CTNND2: variants seen among roughly 807,000 people sequenced by gnomAD.
CTNND2 encodes catenin delta 2, also known as catenin delta-2.
CTNND2 carries 22 observed loss-of-function variants against 144.4 expected under a neutral mutation model. That is an observed-to-expected ratio of 0.15 (90% CI 0.11 to 0.22). The LOEUF (loss-of-function observed/expected upper bound fraction) is 0.22. Among genes scored for constraint, CTNND2 ranks in the 10% least tolerant of loss-of-function variants. CTNND2 has a pLI of 1.00. For missense variants in CTNND2, 1,353 were observed against 1,618.8 expected, an observed-to-expected ratio of 0.84 and a Z score of 2.82; for synonymous variants, 751 against 695.6, an observed-to-expected ratio of 1.08 and a Z score of -1.25.
chr5:11,818,291 C>A lies in CTNND2; in HGVS notation c.37+85526G>T, dbSNP rs148799665. 9.9e-5 allele frequency among the ~76,000 whole-genome samples: 15 copies of A among 152,116 alleles called. No homozygotes were observed. In the East Asian group the frequency reaches 2.7e-3, roughly 27 times the overall value. On this transcript the variant is annotated intron_variant, in intron 1 of 21. Transcript: ENST00000304623. ...TGCATCAACTCATATAGCGGTGATA[C>A]CCGTGTTGCAGCGTTTACATCACAC...
At chr5:11,187,032 A>G (rs1316683559) in intron 11 of CTNND2, among the ~76,000 whole-genome samples, 1 of 152,212 alleles carries the variant, frequency 6.6e-6, no homozygotes, top group African/African-American at 2.4e-5. Flanking sequence ...AAATGCAGAG[A>G]ATACCTGGAT....
At chr5:11,375,054 A>T (rs1412118005) in intron 7 of CTNND2, among the ~76,000 whole-genome samples, 3 of 152,188 alleles carry the variant, frequency 2.0e-5, no homozygotes, top group Non-Finnish European at 4.4e-5. Context: ...TTTGAAAAAC[A>T]TGTAAACGAA....
chr5:11,183,168 C>G (rs912585722), intron 11 of CTNND2, among the ~76,000 whole-genome samples: 1 of 152,196 alleles, frequency 6.6e-6, no homozygotes, highest in Non-Finnish European at 1.5e-5. Context: ...TTATACACTT[C>G]AATAACTAAG....
At position 11,232,320 on chromosome 5, in the gene CTNND2, T is replaced by A. The variant is rs146471970; in HGVS notation, c.1761+4371A>T. ...CCACTGACAGCTTGCACCATGTGCC[T>A]GGAAAAGCTGCAGACACTCAACATC... On this transcript the variant is annotated intron_variant, in intron 10 of 21. Coordinates refer to ENST00000304623, the MANE Select transcript of CTNND2 (RefSeq NM_001332.4). 8.1e-4 allele frequency among the ~76,000 whole-genome samples: 42 copies of A among 52,170 alleles called. No individual in the cohort carries two copies. The East Asian group carries it at 0.037, about 46-fold the overall frequency. The allele number at this position is 52,170 out of a possible 152,430, so 34.2% of individuals were successfully genotyped here.
intron 1 of CTNND2, among the ~76,000 whole-genome samples, chr5:11,901,422 G>C (rs1379070243): frequency 3.9e-5 from 6 of 152,150 alleles, no homozygotes; most frequent in Non-Finnish European, 8.8e-5. Context: ...ACTATAAATT[G>C]CATTTGCAAA....
intron 8 of CTNND2, among the ~76,000 whole-genome samples, chr5:11,350,258 C>T (rs1463863732): frequency 6.6e-6 from 1 of 152,064 alleles, no homozygotes; most frequent in Non-Finnish European, 1.5e-5. Flanking sequence ...GGTATGTTAA[C>T]TAATTTACAC....
intron 18 of CTNND2, among the ~76,000 whole-genome samples, chr5:10,996,951 C>A (rs1446592693): frequency 1.3e-5 from 2 of 152,048 alleles, no homozygotes; most frequent in Non-Finnish European, 2.9e-5. Context: ...GGGAGGTGGA[C>A]AGAAGACAGG....
intron 1 of CTNND2, among the ~76,000 whole-genome samples, chr5:11,790,674 C>A (rs1312982806): frequency 6.6e-6 from 1 of 152,166 alleles, no homozygotes; most frequent in Non-Finnish European, 1.5e-5. Flanking sequence ...ATAGAGTTTA[C>A]ACAGTAAATC....
At chr5:11,797,701 T>C (rs1791472230) in intron 1 of CTNND2, among the ~76,000 whole-genome samples, 1 of 152,192 alleles carries the variant, frequency 6.6e-6, no homozygotes, top group Non-Finnish European at 1.5e-5. Context: ...TCTCAACAAA[T>C]GTTTGCTAGT....
At chr5:11,131,721 G>A (rs10069596) in intron 12 of CTNND2, among the ~76,000 whole-genome samples, 89,586 of 151,858 alleles carry the variant, frequency 0.59, 26,621 homozygotes, top group African/African-American at 0.66. Context: ...CCCGGGAGGC[G>A]GAGCTTGCAG....
chr5:11,836,416 G>A lies in CTNND2; in HGVS notation c.37+67401C>T, dbSNP rs538196986. On this transcript the variant is annotated intron_variant, in intron 1 of 21. Coordinates refer to ENST00000304623, the MANE Select transcript of CTNND2 (RefSeq NM_001332.4). ...AATCAGTAGGCATGGTAGGGAAGAC[G>A]TGAGCACATGATCCTTCTGTAACAC... 4.0e-4 allele frequency among the ~76,000 whole-genome samples: 61 copies of A among 152,168 alleles called. 3 individuals carry two copies. The South Asian group carries it at 0.012, about 30-fold the overall frequency.
chr5:11,467,028 T>C (rs1208655072), intron 3 of CTNND2, among the ~76,000 whole-genome samples: 1 of 152,184 alleles, frequency 6.6e-6, no homozygotes, highest in Non-Finnish European at 1.5e-5. Context: ...GACATGGAAA[T>C]GCCCAGGCTC....
chr5:11,457,735 C>A (rs1386149266), intron 3 of CTNND2, among the ~76,000 whole-genome samples: 1 of 152,190 alleles, frequency 6.6e-6, no homozygotes, highest in Non-Finnish European at 1.5e-5. Flanking sequence ...TAGGATCCAG[C>A]AGAGCAGATT....
chr5:11,137,348 C>T (rs900408173), intron 12 of CTNND2, among the ~76,000 whole-genome samples: 1 of 151,916 alleles, frequency 6.6e-6, no homozygotes, highest in Non-Finnish European at 1.5e-5. Context: ...TTTTTCATGC[C>T]AGTTTAGTCA....
chr5:11,344,296 G>A (rs966318168), intron 9 of CTNND2, among the ~76,000 whole-genome samples: 3 of 152,066 alleles, frequency 2.0e-5, no homozygotes, highest in Admixed American at 6.5e-5. Flanking sequence ...GGAGGCTGAG[G>A]CAGGAGAATG....
At position 11,243,548 on chromosome 5, in the gene CTNND2, G is replaced by C. The variant is rs142557490; in HGVS notation, c.1629-6725C>G. Among the ~76,000 whole-genome samples the C allele has an allele frequency of 2.8e-3, 423 of 152,310 alleles. 1 individual carries two copies. Among genetic ancestry groups the C allele is most frequent in the Middle Eastern group, 0.01 (3 of 294 alleles). On this transcript the variant is annotated intron_variant, in intron 9 of 21. Coordinates refer to ENST00000304623, the MANE Select transcript of CTNND2 (RefSeq NM_001332.4). ...ACAATTTCCCACAGTAGCCAAACTCGTAACTCTCATTTGTGACTGGGCTTC... is the reference window on the plus strand; with the variant it reads ...ACAATTTCCCACAGTAGCCAAACTCCTAACTCTCATTTGTGACTGGGCTTC...
chr5:11,506,698 A>G (rs1771072732), intron 3 of CTNND2, among the ~76,000 whole-genome samples: 1 of 152,204 alleles, frequency 6.6e-6, no homozygotes. Context: ...TAAAAGATAA[A>G]CATTTATTGT....
chr5:11,482,583 C>T (rs1035317167), intron 3 of CTNND2, among the ~76,000 whole-genome samples: 1 of 152,000 alleles, frequency 6.6e-6, no homozygotes, highest in Non-Finnish European at 1.5e-5. Context: ...GAAGGACACA[C>T]GGCACCTCAG....
intron 3 of CTNND2, among the ~76,000 whole-genome samples, chr5:11,532,132 C>T (rs1180137147): frequency 6.6e-6 from 1 of 152,102 alleles, no homozygotes; most frequent in African/African-American, 2.4e-5. Flanking sequence ...TTTGCACCAC[C>T]TCCAAACAAT....
Sources: gnomAD v4.1 joint callset for allele counts (sites outside exome capture counted in the v4.1 genomes callset) on GRCh38, gnomAD v4.1.1 for gene constraint, MANE v1.5 for transcripts, NCBI Gene and HGNC (gene_info 2026-07-23, HGNC 2026-07-21) for gene names.